CTDSPL2: variants seen among roughly 807,000 people sequenced by gnomAD.
The protein encoded by CTDSPL2 is CTD small phosphatase like 2, also known as CTD small phosphatase-like protein 2.
CTDSPL2 carries 5 observed loss-of-function variants against 60.0 expected under a neutral mutation model. The observed-to-expected ratio is 0.08, with a 90% CI of 0.04 to 0.18. The LOEUF (loss-of-function observed/expected upper bound fraction) is 0.18. Among genes scored for constraint, CTDSPL2 ranks in the 10% least tolerant of loss-of-function variants. The pLI is 1.00. For synonymous variants in CTDSPL2, 186 were observed against 189.3 expected (o/e 0.98, Z 0.14); for missense variants, 370 against 548.8 (o/e 0.67, Z 3.26).
intron 8 of CTDSPL2, among the ~76,000 whole-genome samples, chr15:44,500,625 G>A (rs1304577558): frequency 3.9e-5 from 6 of 152,206 alleles, no homozygotes. Context: ...TAAAGTCACA[G>A]AGTGCTTGCC....
chr15:44,441,244 C>G (rs191870663), intron 1 of CTDSPL2, among the ~76,000 whole-genome samples: 1 of 152,144 alleles, frequency 6.6e-6, no homozygotes, highest in Non-Finnish European at 1.5e-5. Context: ...TTCACTCCCC[C>G]GCATTCACTT....
rs545059962 is a variant in CTDSPL2 at position 44,505,339 on chromosome 15, C to T, written c.969+5526C>T. 7.9e-5 allele frequency among the ~76,000 whole-genome samples: 12 copies of T among 152,092 alleles called. No homozygotes were observed. The South Asian group carries it at 8.3e-4, about 11-fold the overall frequency. On this transcript the variant is annotated intron_variant, in intron 8 of 12. Coordinates refer to ENST00000260327, the MANE Select transcript of CTDSPL2 (RefSeq NM_016396.3). ...TGGGAAGCTGAGGTGGGAAGATCAC[C>T]GGAACCCCGAGAGCTTCAGGCCCTA...
intron 8 of CTDSPL2, among the ~76,000 whole-genome samples, chr15:44,506,090 C>T (rs2081457998): frequency 7.3e-6 from 1 of 136,436 alleles, no homozygotes; most frequent in African/African-American, 2.8e-5. Context: ...AGTGCAATGG[C>T]GCTATCTTGG....
chr15:44,478,443 ACT>A (rs369662439), intron 2 of CTDSPL2, among the ~76,000 whole-genome samples: 2,957 of 123,130 alleles, frequency 0.024, 161 homozygotes, highest in African/African-American at 0.087. Flanking sequence ...GAAGAGCAAG[ACT>A]CTGTCTCAAA....
intron 2 of CTDSPL2, 81 bp downstream of exon 2, chr15:44,459,281 A>G: frequency 1.0e-6 from 1 of 956,320 alleles, no homozygotes; most frequent in Non-Finnish European, 1.5e-6. Flanking sequence ...TAATCCCAGC[A>G]CTTTGAGAGC....
chr15:44,460,355 G>A lies in CTDSPL2; in HGVS notation c.186+1155G>A, dbSNP rs1195866963. Among the ~76,000 whole-genome samples the A allele has an allele frequency of 2.6e-5, 4 of 152,216 alleles. No individual in the cohort carries two copies. In the South Asian group the frequency reaches 8.3e-4, roughly 32 times the overall value. On this transcript the variant is annotated intron_variant, in intron 2 of 12. Coordinates refer to ENST00000260327, the MANE Select transcript of CTDSPL2 (RefSeq NM_016396.3). ...GATCTCCTGACCTTGTGATTCGTCCGCCTCGGCCTCCCAAAGTGCTGGGAT... is the reference window on the plus strand; with the variant it reads ...GATCTCCTGACCTTGTGATTCGTCCACCTCGGCCTCCCAAAGTGCTGGGAT...
intron 2 of CTDSPL2, among the ~76,000 whole-genome samples, chr15:44,466,213 A>T (rs190248631): frequency 1.6e-3 from 240 of 152,266 alleles, no homozygotes; most frequent in Non-Finnish European, 2.4e-3. Flanking sequence ...CTGGGATTAC[A>T]GGCGTGAGCC....
chr15:44,438,885 T>C (rs1183864402), intron 1 of CTDSPL2, among the ~76,000 whole-genome samples: 1 of 152,184 alleles, frequency 6.6e-6, no homozygotes, highest in Non-Finnish European at 1.5e-5. Flanking sequence ...TTGCCCAGTT[T>C]TGAATTGCTG....
At chr15:44,522,034 G>T (rs2081787599) in intron 12 of CTDSPL2, among the ~76,000 whole-genome samples, 1 of 150,394 alleles carries the variant, frequency 6.6e-6, no homozygotes, top group Non-Finnish European at 1.5e-5. Context: ...AAGATTATGT[G>T]CATTTTCAAA....
chr15:44,494,375 G>A (rs985254072), intron 5 of CTDSPL2, among the ~76,000 whole-genome samples: 1 of 152,164 alleles, frequency 6.6e-6, no homozygotes, highest in Non-Finnish European at 1.5e-5. Context: ...GGAGGCCTAG[G>A]AAGGAGGATC....
Position 44,511,097 on chromosome 15 carries a change from C to A in CTDSPL2, c.970-3501C>A, listed in dbSNP as rs913058970. On this transcript the variant is annotated intron_variant, in intron 8 of 12. Coordinates refer to ENST00000260327, the MANE Select transcript of CTDSPL2 (RefSeq NM_016396.3). ...TCTTCCCACTTTCCTCCCTCATTCT[C>A]TGCCTGTGTCTTTTAATACTGAAAC... Among the ~76,000 whole-genome samples the A allele has an allele frequency of 7.9e-5, 12 of 152,292 alleles. No individual in the cohort carries two copies. The South Asian group carries it at 2.5e-3, about 32-fold the overall frequency.
At chr15:44,524,020 T>C in intron 12 of CTDSPL2, 89 bp from the exon 13 acceptor site, 1 of 966,780 alleles carries the variant, frequency 1.0e-6, no homozygotes, top group Non-Finnish European at 1.6e-6. Context: ...AAAACTGGTA[T>C]GTTTTCTCTG....
At chr15:44,434,600 C>T (rs567869658) in intron 1 of CTDSPL2, among the ~76,000 whole-genome samples, 4 of 152,286 alleles carry the variant, frequency 2.6e-5, no homozygotes, top group East Asian at 1.9e-4. Context: ...CTCACTGTTG[C>T]CTAGGCTGGT....
chr15:44,438,428 G>T (rs2080020785), intron 1 of CTDSPL2, among the ~76,000 whole-genome samples: 1 of 152,128 alleles, frequency 6.6e-6, no homozygotes, highest in African/African-American at 2.4e-5. Context: ...GCCCAGGATC[G>T]ATTTAAAGGG....
intron 1 of CTDSPL2, among the ~76,000 whole-genome samples, chr15:44,447,176 T>C (rs938919416): frequency 1.3e-5 from 2 of 152,220 alleles, no homozygotes; most frequent in African/African-American, 2.4e-5. Flanking sequence ...GACACTACTT[T>C]ATGTGGTTGA....
rs1861619039 is a variant in CTDSPL2, at chr15:44,527,451, C to T, written c.*3277C>T. 6.6e-6 allele frequency: 1 copy of T among 152,112 alleles called. No individual in the cohort carries two copies. The highest frequency in any genetic ancestry group is 2.4e-5 in the African/African-American group (1 of 41,434). The allele number at this position is 152,112 out of a possible 1,614,324, so 9.4% of individuals were successfully genotyped here. On this transcript the variant is annotated 3_prime_UTR_variant, in exon 13 of 13. Transcript: ENST00000260327. ...GACTTCATCTCATCAATGAAGAAAG[C>T]ATTTCATTATTCCTACAGATCTTTC...
At chr15:44,466,322 GTTTC>G (rs1303742800) in intron 2 of CTDSPL2, among the ~76,000 whole-genome samples, 1 of 152,032 alleles carries the variant, frequency 6.6e-6, no homozygotes, top group Admixed American at 6.5e-5. Context: ...GCCTTATTAA[GTTTC>G]TTTAACTACT....
intron 2 of CTDSPL2, among the ~76,000 whole-genome samples, chr15:44,469,475 T>G (rs1034083287): frequency 1.3e-5 from 2 of 152,190 alleles, no homozygotes; most frequent in African/African-American, 4.8e-5. Flanking sequence ...TTTTAAAGTA[T>G]TCCTTTCTCT....
chr15:44,459,249 C>A lies in CTDSPL2; in HGVS notation c.186+49C>A, dbSNP rs373642072. The stretch of plus-strand genomic sequence containing the variant: ...CATATCATTAAAAGTGAAAATTGGC[C>A]GGGCACGGTGGCTCACGCCTGTAAT... On this transcript the variant is annotated intron_variant, in intron 2 of 12. Coordinates refer to ENST00000260327, the MANE Select transcript of CTDSPL2 (RefSeq NM_016396.3). 5.6e-6 allele frequency: 8 copies of A among 1,416,260 alleles called. No individual in the cohort carries two copies. The East Asian group carries it at 1.8e-4, about 31-fold the overall frequency. The allele number at this position is 1,416,260 out of a possible 1,614,324, so 87.7% of individuals were successfully genotyped here.
Sources: gnomAD v4.1 joint callset for allele counts (sites outside exome capture counted in the v4.1 genomes callset) on GRCh38, gnomAD v4.1.1 for gene constraint, MANE v1.5 for transcripts, NCBI Gene and HGNC (gene_info 2026-07-23, HGNC 2026-07-21) for gene names.